Variants in KIFC2 observed in about 807,000 individuals in gnomAD.
KIFC2 encodes kinesin-like protein KIFC2.
In KIFC2, 94 loss-of-function variants were observed where a neutral mutation model predicts 91.5. The observed-to-expected ratio is 1.03, with a 90% CI of 0.87 to 1.22. The LOEUF (loss-of-function observed/expected upper bound fraction) is 1.22. Ranked by LOEUF, KIFC2 falls within the 50% of genes most tolerant of loss-of-function variation. The pLI is 0.00. For missense variants in KIFC2, 1,357 were observed against 1,103.3 expected (o/e 1.23, Z -3.26); for synonymous variants, 729 against 503.9 (o/e 1.45, Z -5.98).
rs1446942270 is a variant in KIFC2, at chr8:144,469,347, C to T, written c.1190C>T (p.Ala397Val). 2.5e-6 allele frequency: 4 copies of T among 1,609,188 alleles called. No individual in the cohort carries two copies. ...CCTGAGGGGCAGCAAGGGCCCCCAG[C>T]CGGATGCCCAGGGCGGCTGCCAGAA... is the stretch of plus-strand genomic sequence containing the variant. ...QLPEGQQGPPAGCPGRLPELK... is the reference protein window; with the variant it reads ...QLPEGQQGPPVGCPGRLPELK... Residue 397 changes from alanine (A) to valine (V), a missense_variant, in exon 11 of 18, where the codon GCC (alanine) becomes GTC (valine). Physicochemically the swap from Ala to Val is moderately conservative, Grantham distance 64. Coordinates refer to ENST00000645548, the MANE Select transcript of KIFC2 (RefSeq NM_001369769.2).
Position 144,467,231 on chromosome 8 carries a change from T to C in KIFC2, c.359T>C (p.Val120Ala). The C allele has an allele frequency of 1.9e-6, 3 of 1,613,692 alleles. No individual in the cohort carries two copies. The highest frequency in any genetic ancestry group is 2.5e-6 in the Non-Finnish European group (3 of 1,180,014). The change falls in exon 4 of 18, where the codon GTG becomes GCG. Residue 120 changes from valine to alanine, a missense_variant. Val to Ala is a moderately conservative substitution (Grantham distance 64). Transcript: ENST00000645548. The part of the protein sequence containing the change: ...QSGEVPSLLT[V>A]TSQLLALLAW... ...GGCGAGGTCCCCTCACTGTTGACAGTGACCAGTCAGCTCTTGGCCCTTCTG... is the reference window on the plus strand; with the variant it reads ...GGCGAGGTCCCCTCACTGTTGACAGCGACCAGTCAGCTCTTGGCCCTTCTG...
intron 10 of KIFC2, among the ~76,000 whole-genome samples, 153 bp downstream of exon 10, chr8:144,468,987 G>A (rs909338551): frequency 3.3e-5 from 5 of 152,242 alleles, no homozygotes; most frequent in African/African-American, 9.6e-5. Context: ...TCCACTTCTG[G>A]GCCTTATTTT....
In KIFC2 at chr8:144,468,374, G is replaced by A; in HGVS notation, c.856G>A (p.Ala286Thr). 1.2e-5 allele frequency: 19 copies of A among 1,612,988 alleles called. No homozygotes were observed. The highest frequency in any genetic ancestry group is 1.6e-5 in the Non-Finnish European group (19 of 1,179,888). The change falls in exon 8 of 18, where the codon GCC becomes ACC. Residue 286 changes from alanine to threonine, a missense_variant. Transcript: ENST00000645548. ...LLELQGRLQEAQDTTEALRAQ... is the reference protein window; with the variant it reads ...LLELQGRLQETQDTTEALRAQ... ...AGAGCTCCAGGGCCGGCTTCAGGAG[G>A]CCCAAGACACCACAGAAGCCCTCCG...
intron 4 of KIFC2, 59 bp downstream of exon 4, chr8:144,467,400 C>A: frequency 6.5e-7 from 1 of 1,546,310 alleles, no homozygotes; most frequent in African/African-American, 1.4e-5. Context: ...CCGGTAGAAC[C>A]TGGGCGGCCT....
intron 12 of KIFC2, among the ~76,000 whole-genome samples, chr8:144,470,243 G>GC (rs1196883028): frequency 7.4e-6 from 1 of 135,428 alleles, no homozygotes; most frequent in Admixed American, 7.1e-5. Context: ...CGACTGCCCA[G>GC]CAGGTGGCCA....
rs894675425 is a variant in KIFC2, at chr8:144,474,076, G to A, written c.*687G>A. The A allele has an allele frequency of 1.8e-5, 11 of 618,922 alleles. No homozygotes were observed. In the African/African-American group the frequency reaches 1.8e-4, roughly 10 times the overall value. 38.3% of individuals were successfully genotyped at this position (618,922 alleles called of 1,614,324 possible). ...TGAGGGTTGTGCCCAGCTGGGCCAC[G>A]GCCATGCGTGGGGTGGCCCAATAAA... On this transcript the variant is annotated 3_prime_UTR_variant, in exon 18 of 18. Coordinates refer to ENST00000645548, the MANE Select transcript of KIFC2 (RefSeq NM_001369769.2).
intron 4 of KIFC2, 33 bp downstream of exon 4, chr8:144,467,374 C>G (rs753904916): frequency 6.4e-7 from 1 of 1,566,996 alleles, no homozygotes; most frequent in East Asian, 2.2e-5. Context: ...AAGAAGAACT[C>G]TGGAGGGAGC....
In KIFC2 at chr8:144,467,093, C is replaced by G; in HGVS notation, c.313C>G (p.Pro105Ala). The part of the protein sequence containing the change: ...QLGAEESCGG[P>A]ADLGQSGEVP... ...GGGGGCGGAAGAGAGCTGCGGGGGC[C>G]CGGCGGACCTGGGCCAGGTGAGCGC... The change falls in exon 3 of 18, where the codon CCG becomes GCG. Residue 105 changes from proline (P) to alanine (A), a missense_variant. Coordinates refer to ENST00000645548, the MANE Select transcript of KIFC2 (RefSeq NM_001369769.2). 1 of 1,599,342 alleles carries G rather than the reference C, an allele frequency of 6.3e-7. No individual in the cohort carries two copies.
chr8:144,472,189 C>T lies in KIFC2; in HGVS notation c.1537C>T (p.Arg513Trp), dbSNP rs200275829. Reference sequence around the variant, plus strand: ...TCCTAGGGCGCTGCAGTCGCTGTTCCGGGAGATGGGGGCCGGCCGGCAGCA... The same window carrying T: ...TCCTAGGGCGCTGCAGTCGCTGTTCTGGGAGATGGGGGCCGGCCGGCAGCA... ...IVPRALQSLF[R>W]EMGAGRQHRV... Residue 513 changes from arginine to tryptophan, a missense_variant, in exon 14 of 18, where the codon CGG becomes TGG. Transcript: ENST00000645548. The T allele has an allele frequency of 1.4e-5, 23 of 1,613,170 alleles. No homozygotes were observed. The highest frequency in any genetic ancestry group is 3.3e-5 in the Admixed American group (2 of 60,002).
rs763186804 is a variant in KIFC2, at chr8:144,466,406, C to G, written c.-14C>G. ...GGCGGCGCGAAGCGGGGCCCTCTGCCGCCCCGCGCTCCCATGTACGCCTTT... is the reference window on the plus strand; with the variant it reads ...GGCGGCGCGAAGCGGGGCCCTCTGCGGCCCCGCGCTCCCATGTACGCCTTT... On this transcript the variant is annotated 5_prime_UTR_variant, in exon 1 of 18. Coordinates refer to ENST00000645548, the MANE Select transcript of KIFC2 (RefSeq NM_001369769.2). 1 of 1,231,692 alleles carries G rather than the reference C, an allele frequency of 8.1e-7. No individual in the cohort carries two copies. The highest frequency in any genetic ancestry group is 2.0e-5 in the South Asian group (1 of 49,590). 76.3% of individuals were successfully genotyped at this position (1,231,692 alleles called of 1,614,324 possible). A position where few individuals can be genotyped will look rare whatever the true frequency, so the allele number is the denominator to read the frequency against.
chr8:144,468,826 C>G lies in KIFC2; in HGVS notation c.1105C>G (p.Arg369Gly), dbSNP rs368447948. Residue 369 changes from arginine (R) to glycine (G), a missense_variant, in exon 10 of 18, where the codon CGG becomes GGG. By Grantham distance (125) the Arg-to-Gly change is moderately radical (BLOSUM62 -2). Transcript: ENST00000645548. ...QSCQGSLSEA[R>G]GQVSWALGAL... ...CTGTCAGGGTTCGCTGAGTGAGGCC[C>G]GGGGCCAGGTCAGGACCCCTCCCCG... The G allele has an allele frequency of 1.2e-6, 2 of 1,613,358 alleles. No individual in the cohort carries two copies. The highest frequency in any genetic ancestry group is 2.7e-5 in the African/African-American group (2 of 74,896).
At position 144,466,776 on chromosome 8, in the gene KIFC2, G is replaced by A. The variant is rs773415030; in HGVS notation, c.116G>A (p.Arg39Gln). 9.8e-6 allele frequency: 15 copies of A among 1,532,452 alleles called. No homozygotes were observed. Among genetic ancestry groups the A allele is most frequent in the Non-Finnish European group, 1.3e-5 (15 of 1,146,602 alleles). The allele number at this position is 1,532,452 out of a possible 1,614,324, so 94.9% of individuals were successfully genotyped here. Residue 39 changes from arginine (R) to glutamine (Q), a missense_variant, in exon 2 of 18, where the codon CGG becomes CAG. Physicochemically the swap from Arg to Gln is conservative, Grantham distance 43. Transcript: ENST00000645548. ...GDPAQRARKP[R>Q]GRRRPDLPAP... is the part of the protein sequence containing the mutation. ...CCTCCCTAGAGAGCCCGCAAGCCCC[G>A]GGGTCGCCGGCGCCCAGACCTGCCC...
At chr8:144,471,252 C>T (rs764058339) in intron 12 of KIFC2, among the ~76,000 whole-genome samples, 1 of 151,754 alleles carries the variant, frequency 6.6e-6, no homozygotes. Flanking sequence ...CGTGAGCCAC[C>T]TCGCCCAGCC....
rs749425172 is a variant in KIFC2, at chr8:144,469,349, G to A, written c.1192G>A (p.Gly398Arg). ...LPEGQQGPPA[G>R]CPGRLPELKG... ...TGAGGGGCAGCAAGGGCCCCCAGCC[G>A]GATGCCCAGGGCGGCTGCCAGAACT... Residue 398 changes from glycine (G) to arginine (R), a missense_variant, in exon 11 of 18, where the codon GGA becomes AGA. By Grantham distance (125) the Gly-to-Arg change is moderately radical. Coordinates refer to ENST00000645548, the MANE Select transcript of KIFC2 (RefSeq NM_001369769.2). 1.6e-5 allele frequency: 26 copies of A among 1,609,180 alleles called. No individual in the cohort carries two copies. The highest frequency in any genetic ancestry group is 1.7e-4 in the Middle Eastern group (1 of 6,042).
In KIFC2 at chr8:144,473,435, C is replaced by G; in HGVS notation, c.*46C>G. On this transcript the variant is annotated 3_prime_UTR_variant, in exon 18 of 18. Transcript: ENST00000645548. ...CATGGGGTCTCAGGCCAGGTCTCTGCTGGCAGAGGCGGTAGTAAAGTCCCT... is the reference window on the plus strand; with the variant it reads ...CATGGGGTCTCAGGCCAGGTCTCTGGTGGCAGAGGCGGTAGTAAAGTCCCT... The G allele has an allele frequency of 6.5e-7, 1 of 1,538,140 alleles. No individual in the cohort carries two copies. The highest frequency in any genetic ancestry group is 8.7e-7 in the Non-Finnish European group (1 of 1,147,166).
rs1486450646 is a variant in KIFC2, at chr8:144,473,156, G to A, written c.2143G>A (p.Gly715Arg). 1.9e-6 allele frequency: 3 copies of A among 1,570,252 alleles called. No individual in the cohort carries two copies. Among genetic ancestry groups the A allele is most frequent in the South Asian group, 1.2e-5 (1 of 85,548 alleles). ...LQISTRPEDL[G>R]ETVCSLKFAD... is the part of the protein sequence containing the mutation. ...GATCTCCACGCGGCCGGAGGATCTC[G>A]GGGAGACAGTCTGCTCCCTCAAGTT... The change falls in exon 18 of 18, where the codon GGG (glycine) becomes AGG (arginine). Residue 715 changes from glycine to arginine, a missense_variant. Physicochemically the swap from Gly to Arg is moderately radical, Grantham distance 125. Transcript: ENST00000645548.
Position 144,471,998 on chromosome 8 carries a change from C to CATCT in KIFC2, c.1438_1441dup (p.Phe481TyrfsTer20). On this transcript the variant is annotated frameshift_variant, in exon 13 of 18. Transcript: ENST00000645548. LOFTEE classifies it high-confidence loss of function. ...CCTGCCTCCGAGGCTACAGCGTCTG[C>CATCT]ATCTTCACCTATGGCCAGACAGGCA... is the stretch of plus-strand genomic sequence containing the variant. 1 of 1,613,582 alleles carries CATCT rather than the reference C, an allele frequency of 6.2e-7. No homozygotes were observed. Among genetic ancestry groups the CATCT allele is most frequent in the Non-Finnish European group, 8.5e-7 (1 of 1,180,024 alleles).
rs1388952051 is a variant in KIFC2 at position 144,467,596 on chromosome 8, C to T, written c.581C>T (p.Ala194Val). 6 of 1,600,020 alleles carry T rather than the reference C, an allele frequency of 3.7e-6. No individual in the cohort carries two copies. Among genetic ancestry groups the T allele is most frequent in the East Asian group, 2.2e-5 (1 of 44,736 alleles). The stretch of plus-strand genomic sequence containing the variant: ...CTCCAGTTGGAGGAGGATCAGAGGG[C>T]GTGGCAGCGGCTGGAGCAGCTCATC... ...QPLQLEEDQR[A>V]WQRLEQLILG... Residue 194 changes from alanine (A) to valine (V), a missense_variant, in exon 5 of 18, where the codon GCG becomes GTG. Ala to Val is a moderately conservative substitution (Grantham distance 64, BLOSUM62 0). Transcript: ENST00000645548.
rs766960466 is a variant in KIFC2, at chr8:144,467,204, C to G, written c.332C>G (p.Ser111Cys). 1 of 1,613,604 alleles carries G rather than the reference C, an allele frequency of 6.2e-7. No individual in the cohort carries two copies. The highest frequency in any genetic ancestry group is 1.1e-5 in the South Asian group (1 of 91,092). Residue 111 changes from serine (S) to cysteine (C), a missense_variant and splice_region_variant, in exon 4 of 18, where the codon TCT becomes TGT. By Grantham distance (112) the Ser-to-Cys change is moderately radical. Coordinates refer to ENST00000645548, the MANE Select transcript of KIFC2 (RefSeq NM_001369769.2). Reference sequence around the variant, plus strand: ...CTCGGATTCTTGTCTCCTTCGCAGTCTGGCGAGGTCCCCTCACTGTTGACA... The same window carrying G: ...CTCGGATTCTTGTCTCCTTCGCAGTGTGGCGAGGTCCCCTCACTGTTGACA... ...SCGGPADLGQ[S>C]GEVPSLLTVT...
Sources: gnomAD v4.1 joint callset for allele counts (sites outside exome capture counted in the v4.1 genomes callset) on GRCh38, gnomAD v4.1.1 for gene constraint, MANE v1.5 for transcripts, NCBI Gene and HGNC (gene_info 2026-07-23, HGNC 2026-07-21) for gene names.